Variants in FOXP1 observed in about 807,000 individuals in gnomAD.
FOXP1 encodes forkhead box P1.
A neutral mutation model predicts 98.2 loss-of-function variants in FOXP1; 15 were observed. That is an observed-to-expected ratio of 0.15 (90% CI 0.10 to 0.24). The LOEUF is 0.24. Ranked by LOEUF, FOXP1 falls within the 10% of genes least tolerant of loss-of-function variation. The pLI is 1.00. For synonymous variants in FOXP1, 371 were observed against 314.5 expected, an observed-to-expected ratio of 1.18 and a Z score of -1.90; for missense variants, 633 against 848.5, an observed-to-expected ratio of 0.75 and a Z score of 3.15.
intron 2 of FOXP1, among the ~76,000 whole-genome samples, chr3:71,501,687 G>A (rs2041375530): frequency 6.6e-6 from 1 of 152,158 alleles, no homozygotes; most frequent in Non-Finnish European, 1.5e-5. Flanking sequence ...ATAAGACCTG[G>A]TAGTTGATAG....
intron 2 of FOXP1, among the ~76,000 whole-genome samples, chr3:71,550,430 T>C (rs1286963670): frequency 1.3e-5 from 2 of 152,212 alleles, no homozygotes; most frequent in Admixed American, 6.5e-5. Context: ...CACTGAGGCC[T>C]GGTGACAGAT....
At chr3:71,149,076 G>A (rs1031878748) in intron 6 of FOXP1, among the ~76,000 whole-genome samples, 1 of 152,142 alleles carries the variant, frequency 6.6e-6, no homozygotes, top group Non-Finnish European at 1.5e-5. Context: ...CAATTATTAG[G>A]CCAGGTTCTG....
At chr3:71,455,236 C>A (rs548374466) in intron 3 of FOXP1, among the ~76,000 whole-genome samples, 1 of 152,208 alleles carries the variant, frequency 6.6e-6, no homozygotes, top group Admixed American at 6.5e-5. Context: ...CACATCCCCC[C>A]CGCCGTCTGA....
chr3:71,048,760 C>A, intron 9 of FOXP1, among the ~76,000 whole-genome samples: 2 of 131,664 alleles, frequency 1.5e-5, no homozygotes, highest in Non-Finnish European at 1.6e-5. Flanking sequence ...AACATTGACA[C>A]AATAAAAGAT....
chr3:71,078,437 G>A (rs1194190347), intron 7 of FOXP1, among the ~76,000 whole-genome samples: 2 of 152,000 alleles, frequency 1.3e-5, no homozygotes, highest in Non-Finnish European at 2.9e-5. Flanking sequence ...AAACAAAGCT[G>A]GGTACAAACC....
At chr3:71,423,689 G>T (rs2083851121) in intron 3 of FOXP1, among the ~76,000 whole-genome samples, 1 of 152,208 alleles carries the variant, frequency 6.6e-6, no homozygotes, top group Non-Finnish European at 1.5e-5. Context: ...GGCCTGTGTG[G>T]ATTTCTCAGT....
intron 13 of FOXP1, among the ~76,000 whole-genome samples, chr3:70,994,895 G>GA (rs1235220151): frequency 2.6e-5 from 4 of 152,028 alleles, no homozygotes; most frequent in Non-Finnish European, 1.5e-5. Context: ...TCATCCATCA[G>GA]AAAAAATATA....
intron 5 of FOXP1, among the ~76,000 whole-genome samples, chr3:71,206,792 C>T (rs751690376): frequency 1.3e-5 from 2 of 152,128 alleles, no homozygotes; most frequent in African/African-American, 2.4e-5. Context: ...ACAGATGTCT[C>T]AATTTATATT....
chr3:70,954,832 A>G lies in FOXP1; in HGVS notation c.*4415T>C. The G allele has an allele frequency of 4.3e-6, 1 of 232,356 alleles. No homozygotes were observed. Among genetic ancestry groups the G allele is most frequent in the Non-Finnish European group, 8.5e-6 (1 of 117,482 alleles). The allele number at this position is 232,356 out of a possible 1,614,324, so 14.4% of individuals were successfully genotyped here. A position where few individuals can be genotyped will look rare whatever the true frequency, so the allele number is the denominator to read the frequency against. ...GTATCCGCAGACATGGAATGATGGA[A>G]TTACAGTTGATGTCAAGGAATGAGT... On this transcript the variant is annotated 3_prime_UTR_variant, in exon 21 of 21. Coordinates refer to ENST00000649528, the MANE Select transcript of FOXP1 (RefSeq NM_001349338.3).
intron 5 of FOXP1, among the ~76,000 whole-genome samples, chr3:71,235,937 A>AT (rs1479631138): frequency 1.3e-5 from 2 of 152,220 alleles, no homozygotes; most frequent in Non-Finnish European, 2.9e-5. Context: ...TAAAGAACAT[A>AT]TATTAGGAGA....
rs1299876201 is a variant in FOXP1, at chr3:70,958,794, G to A, written c.*453C>T. The A allele has an allele frequency of 3.8e-6, 1 of 264,624 alleles. No individual in the cohort carries two copies. Among genetic ancestry groups the A allele is most frequent in the Non-Finnish European group, 6.8e-6 (1 of 146,046 alleles). The allele number at this position is 264,624 out of a possible 1,614,324, so 16.4% of individuals were successfully genotyped here. A position where few individuals can be genotyped will look rare whatever the true frequency, so the allele number is the denominator to read the frequency against. On this transcript the variant is annotated 3_prime_UTR_variant, in exon 21 of 21. Transcript: ENST00000649528. Reference sequence around the variant, plus strand: ...GAGTAAAGGCAGTGATAATCAACATGCAGTACTGTGCAAATAGGTCGTCCA... The same window carrying A: ...GAGTAAAGGCAGTGATAATCAACATACAGTACTGTGCAAATAGGTCGTCCA...
chr3:71,532,432 A>G (rs998917366), intron 2 of FOXP1, among the ~76,000 whole-genome samples: 1 of 152,144 alleles, frequency 6.6e-6, no homozygotes, highest in Non-Finnish European at 1.5e-5. Flanking sequence ...CAAACACCCA[A>G]AAGTGGATGG....
chr3:71,523,355 C>T (rs1238683295), intron 2 of FOXP1, among the ~76,000 whole-genome samples: 1 of 152,134 alleles, frequency 6.6e-6, no homozygotes, highest in Non-Finnish European at 1.5e-5. Context: ...CAATAATTTA[C>T]GTAGTAAGCT....
At chr3:71,104,333 C>T (rs985110371) in intron 7 of FOXP1, among the ~76,000 whole-genome samples, 1 of 152,180 alleles carries the variant, frequency 6.6e-6, no homozygotes. Context: ...CCCTTCAAGG[C>T]AACCAATAGG....
chr3:71,001,413 T>C (rs2042110525), intron 12 of FOXP1, among the ~76,000 whole-genome samples: 1 of 152,152 alleles, frequency 6.6e-6, no homozygotes, highest in African/African-American at 2.4e-5. Context: ...GAGTCTAATT[T>C]GTATGGGTTG....
intron 5 of FOXP1, among the ~76,000 whole-genome samples, chr3:71,282,394 T>G (rs2071668104): frequency 6.6e-6 from 1 of 151,926 alleles, no homozygotes; most frequent in African/African-American, 2.4e-5. Flanking sequence ...TTTCCATATC[T>G]TGAATTTTTA....
chr3:71,195,218 G>A (rs752162742), intron 6 of FOXP1, among the ~76,000 whole-genome samples: 13 of 152,116 alleles, frequency 8.5e-5, no homozygotes, highest in Non-Finnish European at 1.9e-4. Flanking sequence ...CCATTTGAAC[G>A]CAATTAAGCC....
chr3:71,016,065 C>T (rs530254220), intron 11 of FOXP1, among the ~76,000 whole-genome samples: 5 of 152,260 alleles, frequency 3.3e-5, no homozygotes, highest in African/African-American at 1.2e-4. Flanking sequence ...CTCTTCCCTT[C>T]CCCCAGAAAC....
At chr3:71,343,915 C>A (rs1043371280) in intron 4 of FOXP1, among the ~76,000 whole-genome samples, 1 of 152,180 alleles carries the variant, frequency 6.6e-6, no homozygotes, top group Admixed American at 6.6e-5. Context: ...GGTGTCAACA[C>A]TAAGGAAAGC....
Sources: gnomAD v4.1 joint callset for allele counts (sites outside exome capture counted in the v4.1 genomes callset) on GRCh38, gnomAD v4.1.1 for gene constraint, MANE v1.5 for transcripts, NCBI Gene and HGNC (gene_info 2026-07-23, HGNC 2026-07-21) for gene names.